The following SCML4 variants were observed in gnomAD, a reference collection of about 807,000 sequenced individuals.
SCML4 encodes sex comb on midleg-like protein 4.
In SCML4, 34 loss-of-function variants were observed where a neutral mutation model predicts 41.1. The observed-to-expected ratio is 0.83, with a 90% CI of 0.63 to 1.10. The LOEUF (loss-of-function observed/expected upper bound fraction) is 1.10. SCML4 is among the 50% of genes least tolerant of loss of function. The pLI is 0.00. For synonymous variants in SCML4, 214 were observed against 220.9 expected (o/e 0.97, Z 0.28); for missense variants, 522 against 534.1 (o/e 0.98, Z 0.22).
chr6:107,800,094 TC>T (rs1782999399), intron 1 of SCML4, among the ~76,000 whole-genome samples: 1 of 151,634 alleles, frequency 6.6e-6, no homozygotes, highest in Admixed American at 6.6e-5. Context: ...CAAGCCATCC[TC>T]CCCCCTCAGC....
At chr6:107,776,086 T>G (rs1236405621) in intron 1 of SCML4, among the ~76,000 whole-genome samples, 3 of 152,070 alleles carry the variant, frequency 2.0e-5, no homozygotes. Flanking sequence ...GTTCTCGGAA[T>G]GGGGATGAGC....
intron 1 of SCML4, among the ~76,000 whole-genome samples, chr6:107,800,020 T>C (rs1782989857): frequency 6.6e-6 from 1 of 151,970 alleles, no homozygotes; most frequent in African/African-American, 2.4e-5. Context: ...TTTTGTTTTG[T>C]TTTGTTGTTT....
intron 2 of SCML4, among the ~76,000 whole-genome samples, chr6:107,764,657 G>C (rs1723607348): frequency 6.6e-6 from 1 of 152,150 alleles, no homozygotes; most frequent in African/African-American, 2.4e-5. Flanking sequence ...TACCAGGAGA[G>C]AGAAGGAAGA....
chr6:107,804,983 T>A (rs983463281), intron 1 of SCML4, among the ~76,000 whole-genome samples: 2 of 151,848 alleles, frequency 1.3e-5, no homozygotes, highest in Non-Finnish European at 2.9e-5. Context: ...ACTAAACAAA[T>A]AAAGTGGCAG....
At chr6:107,791,238 T>C (rs1049712523) in intron 1 of SCML4, among the ~76,000 whole-genome samples, 2 of 152,082 alleles carry the variant, frequency 1.3e-5, no homozygotes, top group Non-Finnish European at 2.9e-5. Flanking sequence ...ACTCCCAAAA[T>C]GCCTCAGGAC....
At chr6:107,769,798 T>C (rs921070576) in intron 2 of SCML4, among the ~76,000 whole-genome samples, 4 of 152,110 alleles carry the variant, frequency 2.6e-5, no homozygotes, top group African/African-American at 4.8e-5. Flanking sequence ...TATGGAGTCT[T>C]CTCCCCAAAA....
chr6:107,711,265 T>C (rs1036692875), intron 6 of SCML4, among the ~76,000 whole-genome samples: 2 of 152,202 alleles, frequency 1.3e-5, no homozygotes, highest in African/African-American at 4.8e-5. Flanking sequence ...AAAATACAAA[T>C]GTGATCCTCT....
chr6:107,721,066 G>T, intron 5 of SCML4, 73 bp from the exon 6 acceptor site: 5 of 1,500,920 alleles, frequency 3.3e-6, no homozygotes, highest in African/African-American at 1.4e-5. Context: ...CTCCGTCTTG[G>T]CAAACCCTGC....
At chr6:107,794,263 AG>A (rs1466493022) in intron 1 of SCML4, among the ~76,000 whole-genome samples, 1 of 152,244 alleles carries the variant, frequency 6.6e-6, no homozygotes, top group East Asian at 1.9e-4. Context: ...GGAAATGCTC[AG>A]GATGAGACAT....
rs1318495813 is a variant in SCML4 at position 107,707,962 on chromosome 6, C to T, written c.1023G>A (p.Arg341=). ...CCTCCACAGTCCAGGCGGAGGGGTT[C>T]CTGCTCCGTGGCCGCCTGGCATCCT... is the stretch of plus-strand genomic sequence containing the variant. ...DAQDARRPRS[R]NPSAWTVEDV... The change falls in exon 7 of 8, where the codon AGG becomes AGA. Residue 341 remains arginine, a synonymous_variant. Coordinates refer to ENST00000369020, the MANE Select transcript of SCML4 (RefSeq NM_198081.5). The T allele has an allele frequency of 1.3e-6, 2 of 1,551,486 alleles. No individual in the cohort carries two copies.
At chr6:107,804,859 G>A (rs1783603353) in intron 1 of SCML4, among the ~76,000 whole-genome samples, 1 of 152,166 alleles carries the variant, frequency 6.6e-6, no homozygotes, top group African/African-American at 2.4e-5. Context: ...GGTCCCAGCT[G>A]CTTGGGAGGC....
intron 1 of SCML4, among the ~76,000 whole-genome samples, chr6:107,787,046 C>T (rs1009147227): frequency 1.7e-4 from 26 of 152,230 alleles, no homozygotes; most frequent in African/African-American, 6.0e-4. Flanking sequence ...CTCTGCATAA[C>T]TCCCTACAGC....
At chr6:107,731,284 G>A (rs756598861) in intron 5 of SCML4, among the ~76,000 whole-genome samples, 1 of 152,186 alleles carries the variant, frequency 6.6e-6, no homozygotes, top group Non-Finnish European at 1.5e-5. Context: ...AGTGGGCTCG[G>A]ACTATTGATT....
chr6:107,833,767 C>T, the SCML4 span, among the ~76,000 whole-genome samples: 2 of 152,118 alleles, frequency 1.3e-5, no homozygotes, highest in African/African-American at 4.8e-5. Context: ...AAATTTTTTA[C>T]AAGAAATGTA....
chr6:107,808,935 A>G (rs889109468), intron 1 of SCML4, among the ~76,000 whole-genome samples: 2 of 152,174 alleles, frequency 1.3e-5, no homozygotes, highest in Non-Finnish European at 2.9e-5. Context: ...ATCTGAGATT[A>G]TTAAGCACTA....
chr6:107,828,110 G>C (rs1785310563), upstream of SCML4, among the ~76,000 whole-genome samples: 1 of 152,176 alleles, frequency 6.6e-6, no homozygotes, highest in South Asian at 2.1e-4. Flanking sequence ...TACAGATAAG[G>C]AAACTGAGAC....
chr6:107,784,658 A>C lies in SCML4; in HGVS notation c.-59-12272T>G, dbSNP rs749069188. Among the ~76,000 whole-genome samples, 8 of 152,230 alleles carry C rather than the reference A, an allele frequency of 5.3e-5. 1 individual carries two copies. The highest frequency in any genetic ancestry group is 8.8e-5 in the Non-Finnish European group (6 of 68,032). On this transcript the variant is annotated intron_variant, in intron 1 of 7. Transcript: ENST00000369020. ...ATTTGAATGTTGTATATTTTTAAAA[A>C]ATAAAAACAATCCAATAAAGTCAAT...
chr6:107,736,273 A>G (rs986773834), intron 5 of SCML4, among the ~76,000 whole-genome samples: 3 of 152,168 alleles, frequency 2.0e-5, no homozygotes, highest in African/African-American at 7.2e-5. Context: ...CTGTTCTTTC[A>G]CATCTTTGCT....
At chr6:107,836,950 C>G in the SCML4 span, among the ~76,000 whole-genome samples, 1 of 152,190 alleles carries the variant, frequency 6.6e-6, no homozygotes, top group African/African-American at 2.4e-5. Context: ...TCTAAGGCCA[C>G]AAAGTTTTAG....
Sources: allele counts gnomAD v4.1 joint callset (sites outside exome capture counted in the v4.1 genomes callset), GRCh38; gene constraint gnomAD v4.1.1; transcripts MANE v1.5; gene names NCBI Gene and HGNC (gene_info 2026-07-23, HGNC 2026-07-21).